NOS1AP: variants seen among roughly 807,000 people sequenced by gnomAD.
NOS1AP encodes the protein nitric oxide synthase 1 adaptor protein.
In NOS1AP, 21 loss-of-function variants were observed where a neutral mutation model predicts 56.2. The ratio of observed to expected loss-of-function variants is 0.37; its 90% CI spans 0.26 to 0.54. NOS1AP has a LOEUF of 0.54. NOS1AP is among the 20% of genes least tolerant of loss of function. The pLI is 0.84. For missense variants in NOS1AP, 522 were observed against 657.8 expected (o/e 0.79, Z 2.26); for synonymous variants, 270 against 274.6 (o/e 0.98, Z 0.17).
chr1:162,072,603 A>G (rs1376870956), intron 1 of NOS1AP, among the ~76,000 whole-genome samples: 1 of 152,174 alleles, frequency 6.6e-6, no homozygotes, highest in East Asian at 1.9e-4. Context: ...GCATACGGTA[A>G]GGGGAGTGGT....
intron 2 of NOS1AP, among the ~76,000 whole-genome samples, chr1:162,170,724 C>T (rs900763250): frequency 2.0e-5 from 3 of 151,926 alleles, no homozygotes; most frequent in East Asian, 3.9e-4. Flanking sequence ...GTCAGAAGTT[C>T]GAGACAGCCT....
chr1:162,157,346 G>C (rs1455156865), intron 2 of NOS1AP, among the ~76,000 whole-genome samples: 3 of 152,202 alleles, frequency 2.0e-5, no homozygotes, highest in African/African-American at 7.2e-5. Flanking sequence ...AATAGCAAGT[G>C]CCGTGGTATG....
chr1:162,234,250 A>G (rs1653215769), intron 2 of NOS1AP, among the ~76,000 whole-genome samples: 1 of 152,202 alleles, frequency 6.6e-6, no homozygotes, highest in Non-Finnish European at 1.5e-5. Flanking sequence ...AAGCAGAGCT[A>G]GTATCCTAGC....
intron 1 of NOS1AP, among the ~76,000 whole-genome samples, chr1:162,137,419 A>G (rs902016302): frequency 6.6e-6 from 1 of 151,104 alleles, no homozygotes; most frequent in Non-Finnish European, 1.5e-5. Context: ...TTTTCCATCT[A>G]TTGATCAGAG....
At chr1:162,189,815 C>G (rs1651561535) in intron 2 of NOS1AP, among the ~76,000 whole-genome samples, 2 of 152,194 alleles carry the variant, frequency 1.3e-5, no homozygotes, top group African/African-American at 4.8e-5. Context: ...GGGAAGTCCT[C>G]TCTGAGGAGG....
intron 1 of NOS1AP, among the ~76,000 whole-genome samples, chr1:162,115,464 T>C (rs1452791588): frequency 6.6e-6 from 1 of 151,830 alleles, no homozygotes; most frequent in African/African-American, 2.4e-5. Flanking sequence ...AACTGGGAGT[T>C]GTTGTAGGTT....
At chr1:162,129,982 A>T (rs1648677675) in intron 1 of NOS1AP, among the ~76,000 whole-genome samples, 1 of 152,216 alleles carries the variant, frequency 6.6e-6, no homozygotes, top group African/African-American at 2.4e-5. Flanking sequence ...TTTAATTTAT[A>T]CTTGTTGGTT....
intron 5 of NOS1AP, among the ~76,000 whole-genome samples, chr1:162,333,983 C>T (rs1439787904): frequency 6.6e-6 from 1 of 152,150 alleles, no homozygotes; most frequent in Non-Finnish European, 1.5e-5. Context: ...ACTATTTGTG[C>T]CCCTAAGGAC....
At chr1:162,283,315 A>C (rs1654993921) in intron 2 of NOS1AP, among the ~76,000 whole-genome samples, 1 of 152,068 alleles carries the variant, frequency 6.6e-6, no homozygotes, top group Non-Finnish European at 1.5e-5. Context: ...AAGTAATTCT[A>C]TTCCTTCTGT....
At chr1:162,075,871 A>T (rs754333815) in intron 1 of NOS1AP, among the ~76,000 whole-genome samples, 1 of 152,066 alleles carries the variant, frequency 6.6e-6, no homozygotes, top group Non-Finnish European at 1.5e-5. Context: ...CAGATGTCCC[A>T]GTATGTTCCT....
At chr1:162,266,792 G>A (rs4298709) in intron 2 of NOS1AP, among the ~76,000 whole-genome samples, 68,403 of 151,984 alleles carry the variant, frequency 0.45, 16,496 homozygotes, top group Non-Finnish European at 0.56. Flanking sequence ...ATTATACTAC[G>A]ATGCTTATAA....
intron 2 of NOS1AP, among the ~76,000 whole-genome samples, chr1:162,205,558 C>T (rs919512390): frequency 1.3e-5 from 2 of 152,132 alleles, no homozygotes; most frequent in African/African-American, 2.4e-5. Flanking sequence ...TTCTAAATAC[C>T]ACTCTAATAT....
At chr1:162,229,669 ATGTT>A (rs1305122863) in intron 2 of NOS1AP, among the ~76,000 whole-genome samples, 1 of 152,172 alleles carries the variant, frequency 6.6e-6, no homozygotes, top group Non-Finnish European at 1.5e-5. Context: ...AAGTACATAA[ATGTT>A]TGTTGAATGA....
At position 162,118,007 on chromosome 1, in the gene NOS1AP, C is replaced by A. The variant is rs535416763; in HGVS notation, c.106-36398C>A. On this transcript the variant is annotated intron_variant, in intron 1 of 9. Coordinates refer to ENST00000361897, the MANE Select transcript of NOS1AP (RefSeq NM_014697.3). ...TTTATCATATCTTCTAGGCACCAGG[C>A]GTATCTCATTGTTCTCCTTCACAAC... Among the ~76,000 whole-genome samples, 16 of 152,178 alleles carry A rather than the reference C, an allele frequency of 1.1e-4. 1 individual carries two copies. Among genetic ancestry groups the A allele is most frequent in the African/African-American group, 3.6e-4 (15 of 41,524 alleles).
At chr1:162,228,867 A>C (rs115657994) in intron 2 of NOS1AP, among the ~76,000 whole-genome samples, 5,239 of 152,376 alleles carry the variant, frequency 0.034, 124 homozygotes, top group Middle Eastern at 0.051. Context: ...AAGAGAAAAA[A>C]AATACACAGG....
rs187432682 is a variant in NOS1AP at position 162,226,697 on chromosome 1, G to A, written c.178-60647G>A. On this transcript the variant is annotated intron_variant, in intron 2 of 9. Transcript: ENST00000361897. ...TTTTTCTGAATATTTACTTTCACCT[G>A]TATGTAGGCCAGTACAACTCACTTT... 8.5e-4 allele frequency among the ~76,000 whole-genome samples: 129 copies of A among 152,298 alleles called. No homozygotes were observed. In the Middle Eastern group the frequency reaches 0.01, roughly 12 times the overall value.
intron 2 of NOS1AP, among the ~76,000 whole-genome samples, chr1:162,250,794 C>T (rs1653824443): frequency 6.6e-6 from 1 of 152,136 alleles, no homozygotes; most frequent in Admixed American, 6.6e-5. Context: ...ACCTTTCCAC[C>T]TATAGCTTGA....
chr1:162,318,155 G>C (rs1310847989), intron 4 of NOS1AP, among the ~76,000 whole-genome samples: 1 of 152,086 alleles, frequency 6.6e-6, no homozygotes, highest in Non-Finnish European at 1.5e-5. Context: ...CCTAGATCTT[G>C]AGGCTATTTC....
At chr1:162,184,858 CTGTT>C (rs1457046405) in intron 2 of NOS1AP, among the ~76,000 whole-genome samples, 1 of 152,196 alleles carries the variant, frequency 6.6e-6, no homozygotes, top group Non-Finnish European at 1.5e-5. Flanking sequence ...TCAATATAGT[CTGTT>C]TATTATTTTC....
Sources: gnomAD v4.1 joint callset for allele counts (sites outside exome capture counted in the v4.1 genomes callset) on GRCh38, gnomAD v4.1.1 for gene constraint, MANE v1.5 for transcripts, NCBI Gene and HGNC (gene_info 2026-07-23, HGNC 2026-07-21) for gene names.